MTMR14: variants seen among roughly 807,000 people sequenced by gnomAD.
MTMR14 encodes myotubularin related protein 14.
A neutral mutation model predicts 86.3 loss-of-function variants in MTMR14; 48 were observed. The ratio of observed to expected loss-of-function variants is 0.56; its 90% CI spans 0.44 to 0.71. The LOEUF is 0.71. MTMR14 is among the 30% of genes least tolerant of loss of function. The probability of loss-of-function intolerance (pLI) is 0.00; values close to 1 mark genes in which losing one functional copy is unlikely to be tolerated. For missense variants in MTMR14, 780 were observed against 834.6 expected (o/e 0.93, Z 0.81); for synonymous variants, 366 against 326.1 (o/e 1.12, Z -1.32).
At chr3:9,667,942 TA>T (rs1235066580) in intron 3 of MTMR14, among the ~76,000 whole-genome samples, 1 of 152,230 alleles carries the variant, frequency 6.6e-6, no homozygotes, top group Non-Finnish European at 1.5e-5. Context: ...CATTGTAGTG[TA>T]ACAGGGTCAT....
intron 10 of MTMR14, 157 bp downstream of exon 10, chr3:9,683,401 G>A (rs1202594880): frequency 1.6e-5 from 11 of 705,824 alleles, no homozygotes; most frequent in Non-Finnish European, 2.8e-5. Context: ...GGCTGGGTGG[G>A]ATTTGTCCAT....
At position 9,684,831 on chromosome 3, in the gene MTMR14, G is replaced by T. The variant is rs139376719; in HGVS notation, c.1051-57G>T. On this transcript the variant is annotated intron_variant, in intron 11 of 18. Coordinates refer to ENST00000296003, the MANE Select transcript of MTMR14 (RefSeq NM_001077525.3). Reference sequence around the variant, plus strand: ...TGCGTTGTCACTGGGTCTGGTTATGGTTCAGCTCCTGGGGATGAGAAGAGG... The same window carrying T: ...TGCGTTGTCACTGGGTCTGGTTATGTTTCAGCTCCTGGGGATGAGAAGAGG... 2.3e-4 allele frequency: 365 copies of T among 1,595,618 alleles called. No individual in the cohort carries two copies. In the African/African-American group the frequency reaches 4.0e-3, roughly 17 times the overall value.
chr3:9,690,489 C>T (rs749073949), intron 17 of MTMR14, among the ~76,000 whole-genome samples: 6 of 152,230 alleles, frequency 3.9e-5, no homozygotes, highest in African/African-American at 7.2e-5. Flanking sequence ...GATCTAGATT[C>T]TGAGTCCCTT....
intron 13 of MTMR14, among the ~76,000 whole-genome samples, chr3:9,685,662 A>G (rs1424904237): frequency 6.6e-6 from 1 of 151,886 alleles, no homozygotes; most frequent in Non-Finnish European, 1.5e-5. Flanking sequence ...CCACTTTTCA[A>G]TGTCAGGGTG....
At chr3:9,687,009 A>G (rs2075981135) in intron 13 of MTMR14, among the ~76,000 whole-genome samples, 1 of 152,246 alleles carries the variant, frequency 6.6e-6, no homozygotes, top group Non-Finnish European at 1.5e-5. Flanking sequence ...TAGGCCAGAC[A>G]GTGGCTGCCC....
In MTMR14 at chr3:9,701,750, C is replaced by T; in HGVS notation, c.1770-40C>T. On this transcript the variant is annotated intron_variant, in intron 18 of 18. Transcript: ENST00000296003. This position sits in a 1 kb window ranked among gnomAD's most constrained non-coding sequence, Gnocchi z 4.2. ...AGGATGAGGATACTGGGTCCTGTCC[C>T]AGGGTAATGTCTTTGTTCTTTCTCT... The T allele has an allele frequency of 6.2e-7, 1 of 1,610,054 alleles. No individual in the cohort carries two copies.
intron 1 of MTMR14, among the ~76,000 whole-genome samples, chr3:9,652,702 A>G (rs1175734523): frequency 6.6e-6 from 1 of 151,942 alleles, no homozygotes; most frequent in Non-Finnish European, 1.5e-5. Context: ...TTCTCAAAAA[A>G]AAAAAAAAGG....
chr3:9,669,293 G>A (rs2048437950), intron 4 of MTMR14, 139 bp from the exon 5 acceptor site: 2 of 711,860 alleles, frequency 2.8e-6, no homozygotes, highest in Admixed American at 5.7e-5. Flanking sequence ...GGCATATGGG[G>A]GCATACTGTG....
Position 9,668,797 on chromosome 3 carries a change from G to A in MTMR14, c.493+3G>A, listed in dbSNP as rs2048400929. The stretch of plus-strand genomic sequence containing the variant: ...AGGCTACAACTATTTTTTCTCAGGT[G>A]AATGTTGAACAGCATCCTCTGATGT... On this transcript the variant is annotated splice_donor_region_variant and intron_variant, in intron 4 of 18. Transcript: ENST00000296003. The A allele has an allele frequency of 6.2e-7, 1 of 1,613,952 alleles. No homozygotes were observed. Among genetic ancestry groups the A allele is most frequent in the African/African-American group, 1.3e-5 (1 of 74,920 alleles).
At chr3:9,671,863 A>G (rs182644750) in intron 6 of MTMR14, among the ~76,000 whole-genome samples, 114 of 152,314 alleles carry the variant, frequency 7.5e-4, no homozygotes, top group Non-Finnish European at 1.3e-3. Flanking sequence ...AAATGATCCT[A>G]AAAGGTGGTC....
Position 9,685,198 on chromosome 3 carries a change from C to G in MTMR14, c.1128-13C>G. 2 of 1,614,152 alleles carry G rather than the reference C, an allele frequency of 1.2e-6. No homozygotes were observed. The highest frequency in any genetic ancestry group is 1.7e-6 in the Non-Finnish European group (2 of 1,180,036). On this transcript the variant is annotated splice_polypyrimidine_tract_variant and intron_variant, in intron 12 of 18. Transcript: ENST00000296003. Reference sequence around the variant, plus strand: ...GTGCTGCTGACTTTGCCTCTCTACCCTCCTTTTTTCAGGCACATGTTGGTA... The same window carrying G: ...GTGCTGCTGACTTTGCCTCTCTACCGTCCTTTTTTCAGGCACATGTTGGTA...
At chr3:9,669,900 G>A (rs1472730970) in intron 5 of MTMR14, among the ~76,000 whole-genome samples, 4 of 152,216 alleles carry the variant, frequency 2.6e-5, no homozygotes, top group Non-Finnish European at 5.9e-5. Flanking sequence ...AAGGGCTACA[G>A]TCCATACATA....
chr3:9,678,565 C>T (rs747793264), intron 9 of MTMR14, among the ~76,000 whole-genome samples: 11 of 152,338 alleles, frequency 7.2e-5, no homozygotes, highest in Non-Finnish European at 1.0e-4. Context: ...AGCAGCTTTG[C>T]TTGCCACTTG....
chr3:9,694,682 C>T (rs2076233359), intron 17 of MTMR14, among the ~76,000 whole-genome samples: 1 of 152,232 alleles, frequency 6.6e-6, no homozygotes, highest in Non-Finnish European at 1.5e-5. Flanking sequence ...CACTAGGCAG[C>T]TGCGTAAAAG....
intron 2 of MTMR14, among the ~76,000 whole-genome samples, chr3:9,655,133 C>T (rs1390295086): frequency 6.6e-6 from 1 of 152,034 alleles, no homozygotes; most frequent in East Asian, 1.9e-4. Context: ...ATCCCAGCCT[C>T]CTTTGGGTGG....
intron 1 of MTMR14, among the ~76,000 whole-genome samples, chr3:9,653,378 A>G (rs1408845599): frequency 6.6e-6 from 1 of 151,808 alleles, no homozygotes; most frequent in Non-Finnish European, 1.5e-5. Flanking sequence ...TCTCCCCCAA[A>G]TGCTCAATAC....
At chr3:9,686,488 C>G (rs536574667) in intron 13 of MTMR14, among the ~76,000 whole-genome samples, 4 of 152,104 alleles carry the variant, frequency 2.6e-5, no homozygotes, top group Non-Finnish European at 4.4e-5. Context: ...TTTCTGTTAC[C>G]CCCCCCAGAC....
At chr3:9,688,410 C>T (rs892415341) in intron 14 of MTMR14, among the ~76,000 whole-genome samples, 4 of 152,216 alleles carry the variant, frequency 2.6e-5, no homozygotes, top group Admixed American at 1.3e-4. Flanking sequence ...CTTCCTAATC[C>T]GAGCTACAAG....
intron 7 of MTMR14, among the ~76,000 whole-genome samples, chr3:9,674,945 C>G (rs1438909471): frequency 6.6e-6 from 1 of 152,238 alleles, no homozygotes; most frequent in African/African-American, 2.4e-5. Context: ...AACCCTATCT[C>G]TACTAAAAAT....
Sources: gnomAD v4.1 joint callset for allele counts (sites outside exome capture counted in the v4.1 genomes callset) on GRCh38, gnomAD v4.1.1 for gene constraint, Gnocchi (gnomAD v3.1) non-coding constraint, MANE v1.5 for transcripts, NCBI Gene and HGNC (gene_info 2026-07-23, HGNC 2026-07-21) for gene names.